Variants in ANKFY1 observed in about 807,000 individuals in gnomAD.
ANKFY1 encodes the protein ankyrin repeat and FYVE domain-containing protein 1.
In ANKFY1, 47 loss-of-function variants were observed where a neutral mutation model predicts 128.3. The ratio of observed to expected loss-of-function variants is 0.37; its 90% CI spans 0.29 to 0.47. The LOEUF (loss-of-function observed/expected upper bound fraction) is 0.47. Among genes scored for constraint, ANKFY1 ranks in the 20% least tolerant of loss-of-function variants. The pLI is 1.00. For missense variants in ANKFY1, 1,222 were observed against 1,510.6 expected (o/e 0.81, Z 3.17); for synonymous variants, 553 against 601.6 (o/e 0.92, Z 1.18).
chr17:4,263,762 T>G (rs1968554401), intron 1 of ANKFY1, 170 bp downstream of exon 1: 1 of 1,535,204 alleles, frequency 6.5e-7, no homozygotes, highest in East Asian at 2.4e-5. Context: ...GGAACCGCGC[T>G]CCGGACCCCG....
chr17:4,184,684 C>T, intron 12 of ANKFY1, 134 bp downstream of exon 12: 2 of 951,432 alleles, frequency 2.1e-6, no homozygotes, highest in South Asian at 2.8e-5. Context: ...TCTAGTTTGA[C>T]CTGAAAGGAT....
intron 8 of ANKFY1, among the ~76,000 whole-genome samples, chr17:4,196,585 A>G (rs1488051232): frequency 6.6e-6 from 1 of 152,218 alleles, no homozygotes; most frequent in East Asian, 1.9e-4. Flanking sequence ...CACAATAAAT[A>G]TTGTTAAATA....
chr17:4,200,778 G>C (rs2059914014), intron 7 of ANKFY1, among the ~76,000 whole-genome samples: 1 of 152,164 alleles, frequency 6.6e-6, no homozygotes, highest in African/African-American at 2.4e-5. Context: ...TTAGAATTGT[G>C]AGTGCAGACT....
Position 4,165,673 on chromosome 17 carries a change from C to T in ANKFY1, c.*2106G>A, listed in dbSNP as rs1193808654. The T allele has an allele frequency of 6.6e-6, 1 of 152,184 alleles. No individual in the cohort carries two copies. Among genetic ancestry groups the T allele is most frequent in the East Asian group, 1.9e-4 (1 of 5,196 alleles). The allele number at this position is 152,184 out of a possible 1,614,324, so 9.4% of individuals were successfully genotyped here. On this transcript the variant is annotated 3_prime_UTR_variant, in exon 25 of 25. Transcript: ENST00000341657. Reference sequence around the variant, plus strand: ...ATAGCTGGTCAGTACCATTGCTATCCCTGGACTCAGGCTTAGAAGCAAGTT... The same window carrying T: ...ATAGCTGGTCAGTACCATTGCTATCTCTGGACTCAGGCTTAGAAGCAAGTT...
rs774594654 is a variant in ANKFY1 at position 4,206,398 on chromosome 17, G to A, written c.821C>T (p.Thr274Met). 25 of 1,614,004 alleles carry A rather than the reference G, an allele frequency of 1.5e-5. No homozygotes were observed. The highest frequency in any genetic ancestry group is 5.3e-5 in the African/African-American group (4 of 74,920). ...LSRRLESIAT[T>M]LVSHKADVDM... Reference sequence around the variant, plus strand: ...CACATCAGCTTTGTGACTAACCAGCGTGGTGGCAATACTCTCCAGTCGTCG... The same window carrying A: ...CACATCAGCTTTGTGACTAACCAGCATGGTGGCAATACTCTCCAGTCGTCG... Residue 274 changes from threonine to methionine, a missense_variant, in exon 7 of 25, where the codon ACG (threonine) becomes ATG (methionine). Coordinates refer to ENST00000341657, the MANE Select transcript of ANKFY1 (RefSeq NM_001330063.2).
intron 4 of ANKFY1, among the ~76,000 whole-genome samples, chr17:4,215,117 C>T (rs1377332524): frequency 6.6e-6 from 1 of 151,852 alleles, no homozygotes; most frequent in African/African-American, 2.4e-5. Flanking sequence ...GGCAAAACCC[C>T]GTCTCTACTA....
chr17:4,193,040 C>G (rs1237558587), intron 10 of ANKFY1, among the ~76,000 whole-genome samples: 1 of 151,920 alleles, frequency 6.6e-6, no homozygotes, highest in Non-Finnish European at 1.5e-5. Context: ...AAAACCATAA[C>G]CAATGAAAAA....
At position 4,212,204 on chromosome 17, in the gene ANKFY1, A is replaced by G. The variant is rs115625228; in HGVS notation, c.459-2257T>C. On this transcript the variant is annotated intron_variant, in intron 4 of 24. Transcript: ENST00000341657. ...CACAGACGACTAGTATGGTTTCACG[A>G]GATTTCCTGACATCCACCATTGTTT... Among the ~76,000 whole-genome samples, 734 of 152,330 alleles carry G rather than the reference A, an allele frequency of 4.8e-3. 5 individuals carry two copies. Among genetic ancestry groups the G allele is most frequent in the African/African-American group, 0.017 (690 of 41,570 alleles).
chr17:4,255,492 C>A (rs1029843535), intron 1 of ANKFY1, among the ~76,000 whole-genome samples: 1 of 152,050 alleles, frequency 6.6e-6, no homozygotes, highest in Non-Finnish European at 1.5e-5. Flanking sequence ...TGAGGTGATC[C>A]CCTGGCCTCG....
chr17:4,203,676 G>A (rs2059971461), intron 7 of ANKFY1, among the ~76,000 whole-genome samples: 1 of 151,636 alleles, frequency 6.6e-6, no homozygotes, highest in African/African-American at 2.4e-5. Flanking sequence ...TTAGCCGGGC[G>A]TGGTGGCAGG....
chr17:4,243,932 A>AT (rs113664000), intron 1 of ANKFY1, among the ~76,000 whole-genome samples: 52,060 of 144,434 alleles, frequency 0.36, 9,328 homozygotes, highest in Admixed American at 0.42. Flanking sequence ...AAGATAAACA[A>AT]TTTTTTTTTT....
intron 14 of ANKFY1, among the ~76,000 whole-genome samples, chr17:4,182,636 C>T (rs1043315632): frequency 2.6e-5 from 4 of 152,308 alleles, no homozygotes; most frequent in Non-Finnish European, 5.9e-5. Context: ...TCCAAGAACC[C>T]TCCTGGCAAA....
In ANKFY1 at chr17:4,182,206, T is replaced by C. The variant is rs750675574; in HGVS notation, c.2096A>G (p.Asn699Ser). 39 of 1,567,832 alleles carry C rather than the reference T, an allele frequency of 2.5e-5. No homozygotes were observed. Among genetic ancestry groups the C allele is most frequent in the Non-Finnish European group, 3.0e-5 (35 of 1,152,560 alleles). The change falls in exon 15 of 25, where the codon AAT (asparagine) becomes AGT (serine). Residue 699 changes from asparagine to serine, a missense_variant. Transcript: ENST00000341657. The part of the protein sequence containing the change: ...NPPLWLALAN[N>S]LEDIASTLVR... ...CAGAGTGGATGCGATGTCCTCCAGA[T>C]TGTTTGCCAATGCAAGCCACAGCGG...
intron 1 of ANKFY1, among the ~76,000 whole-genome samples, chr17:4,245,039 G>A (rs1307328040): frequency 2.6e-5 from 4 of 151,990 alleles, no homozygotes; most frequent in Non-Finnish European, 5.9e-5. Context: ...CAAGTCCAAT[G>A]GACTCCTGCC....
At chr17:4,185,498 C>T (rs547429587) in intron 11 of ANKFY1, among the ~76,000 whole-genome samples, 153 of 152,008 alleles carry the variant, frequency 1.0e-3, no homozygotes, top group African/African-American at 3.4e-3. Context: ...CCACCACGCC[C>T]GGCCCATTTT....
At chr17:4,189,310 TC>T in intron 11 of ANKFY1, 71 bp downstream of exon 11, 1 of 1,328,802 alleles carries the variant, frequency 7.5e-7, no homozygotes, top group Non-Finnish European at 1.0e-6. Flanking sequence ...TTCCCCTTTT[TC>T]CTACATATCC....
chr17:4,201,479 A>ATTTTTTTTTTTTT, intron 7 of ANKFY1, among the ~76,000 whole-genome samples: 1 of 135,700 alleles, frequency 7.4e-6, no homozygotes, highest in African/African-American at 2.7e-5. Context: ...CCTGTGTCTG[A>ATTTTTTTTTTTTT]TTTTTTTTTT....
intron 1 of ANKFY1, among the ~76,000 whole-genome samples, chr17:4,246,616 A>T (rs1967555730): frequency 6.6e-6 from 1 of 152,096 alleles, no homozygotes; most frequent in Non-Finnish European, 1.5e-5. Context: ...TTTCTTCCAT[A>T]AGCAACCTGA....
intron 14 of ANKFY1, among the ~76,000 whole-genome samples, chr17:4,182,788 T>A (rs2059538684): frequency 6.6e-6 from 1 of 152,202 alleles, no homozygotes; most frequent in South Asian, 2.1e-4. Flanking sequence ...ACATTCTTCA[T>A]TGTAACTGAA....
Sources: allele counts gnomAD v4.1 joint callset (sites outside exome capture counted in the v4.1 genomes callset), GRCh38; gene constraint gnomAD v4.1.1; transcripts MANE v1.5; gene names NCBI Gene and HGNC (gene_info 2026-07-23, HGNC 2026-07-21).